The following FRMD4B variants were observed in gnomAD, a reference collection of about 807,000 sequenced individuals.
FRMD4B encodes the protein FERM domain-containing protein 4B.
A neutral mutation model predicts 141.5 loss-of-function variants in FRMD4B; 74 were observed. The ratio of observed to expected loss-of-function variants is 0.52; its 90% CI spans 0.43 to 0.63. The LOEUF (loss-of-function observed/expected upper bound fraction) is 0.63, where lower values mean the gene tolerates loss of function less well. Among genes scored for constraint, FRMD4B ranks in the 30% least tolerant of loss-of-function variants. The probability of loss-of-function intolerance (pLI) is 0.00; values close to 1 mark genes in which losing one functional copy is unlikely to be tolerated. For missense variants in FRMD4B, 1,366 were observed against 1,253.4 expected (o/e 1.09, Z -1.36); for synonymous variants, 506 against 467.9 (o/e 1.08, Z -1.05).
At chr3:69,380,730 C>T (rs767633188) in intron 1 of FRMD4B, among the ~76,000 whole-genome samples, 9 of 152,166 alleles carry the variant, frequency 5.9e-5, no homozygotes, top group African/African-American at 9.7e-5. Context: ...TTATTGGTCA[C>T]TTAAATATCC....
At chr3:69,219,306 G>A (rs1237531603) in intron 9 of FRMD4B, among the ~76,000 whole-genome samples, 1 of 152,084 alleles carries the variant, frequency 6.6e-6, no homozygotes, top group Non-Finnish European at 1.5e-5. Flanking sequence ...TGCCCGCAAG[G>A]AACTGAGGCT....
At chr3:69,455,622 C>T (rs1007551605) in intron 1 of FRMD4B, among the ~76,000 whole-genome samples, 2 of 152,178 alleles carry the variant, frequency 1.3e-5, no homozygotes, top group African/African-American at 4.8e-5. Context: ...AACTGTAATG[C>T]TCACTGCGAG....
At chr3:69,422,381 T>TG (rs1215603747) in intron 2 of FRMD4B, among the ~76,000 whole-genome samples, 1 of 93,810 alleles carries the variant, frequency 1.1e-5, no homozygotes, top group Non-Finnish European at 2.4e-5. Flanking sequence ...AGCGAGACTC[T>TG]GAAAAAAAAA....
chr3:69,456,529 A>AT (rs1559533029), intron 1 of FRMD4B, among the ~76,000 whole-genome samples: 1 of 151,832 alleles, frequency 6.6e-6, no homozygotes, highest in East Asian at 1.9e-4. Context: ...TAGAAAGCTG[A>AT]TTTTTCTCCA....
intron 1 of FRMD4B, among the ~76,000 whole-genome samples, chr3:69,345,642 G>C (rs9837414): frequency 0.022 from 3,373 of 152,236 alleles, 109 homozygotes; most frequent in African/African-American, 0.075. Context: ...CAAAGCCAAA[G>C]AAACGATCAG....
chr3:69,366,127 G>T (rs1277631439), intron 1 of FRMD4B, among the ~76,000 whole-genome samples: 2 of 149,068 alleles, frequency 1.3e-5, no homozygotes, highest in Non-Finnish European at 3.0e-5. Context: ...GGTCATGGTG[G>T]CACAGGCTTG....
intron 6 of FRMD4B, among the ~76,000 whole-genome samples, chr3:69,249,487 G>A (rs79970938): frequency 0.021 from 3,138 of 152,284 alleles, 105 homozygotes; most frequent in African/African-American, 0.072. Flanking sequence ...AAAAAGCACA[G>A]ATAATTATTT....
At chr3:69,412,481 G>A (rs1704775920) in intron 2 of FRMD4B, among the ~76,000 whole-genome samples, 1 of 152,158 alleles carries the variant, frequency 6.6e-6, no homozygotes, top group South Asian at 2.1e-4. Flanking sequence ...GAAGCAGGAG[G>A]AAGAAGAGAT....
chr3:69,196,464 T>C (rs2092905765), intron 13 of FRMD4B, 68 bp from the exon 14 acceptor site: 2 of 1,212,852 alleles, frequency 1.6e-6, no homozygotes, highest in East Asian at 4.8e-5. Flanking sequence ...ACAATTAAGT[T>C]AACATACAAT....
chr3:69,292,626 T>C lies in FRMD4B; in HGVS notation c.417-4790A>G, dbSNP rs73838339. ...CCAGCTTTCTGAATCCACAATTCCA[T>C]CTCTCCCTCAAGGGGGCCATTGTAA... On this transcript the variant is annotated intron_variant, in intron 4 of 22. Transcript: ENST00000398540. Among the ~76,000 whole-genome samples the C allele has an allele frequency of 4.1e-3, 626 of 152,234 alleles. 5 individuals carry two copies. The highest frequency in any genetic ancestry group is 0.014 in the African/African-American group (591 of 41,546).
At chr3:69,283,033 T>C (rs1248123218) in intron 5 of FRMD4B, among the ~76,000 whole-genome samples, 1 of 152,164 alleles carries the variant, frequency 6.6e-6, no homozygotes, top group Non-Finnish European at 1.5e-5. Flanking sequence ...CCTTACAATA[T>C]TATGTTCTGT....
At chr3:69,371,585 T>C (rs1274319250) in intron 1 of FRMD4B, among the ~76,000 whole-genome samples, 1 of 152,136 alleles carries the variant, frequency 6.6e-6, no homozygotes, top group Non-Finnish European at 1.5e-5. Context: ...TAGGAAGCTA[T>C]TGCAACAAAC....
intron 3 of FRMD4B, among the ~76,000 whole-genome samples, chr3:69,304,059 G>C (rs1348523001): frequency 2.6e-5 from 4 of 151,692 alleles, no homozygotes; most frequent in Admixed American, 1.3e-4. Flanking sequence ...TTAGGAGGCT[G>C]AGTTGGGAGG....
chr3:69,204,242 T>C (rs1559714459), intron 11 of FRMD4B, among the ~76,000 whole-genome samples: 1 of 152,126 alleles, frequency 6.6e-6, no homozygotes, highest in Non-Finnish European at 1.5e-5. Context: ...CCCAGGGGCA[T>C]GAAAGACCCA....
chr3:69,540,660 T>TATATACACAC (rs1241897477), intron 1 of FRMD4B, among the ~76,000 whole-genome samples: 30 of 56,858 alleles, frequency 5.3e-4, no homozygotes, highest in African/African-American at 3.0e-3. Context: ...TATATATATA[T>TATATACACAC]ACACACACAC....
intron 1 of FRMD4B, among the ~76,000 whole-genome samples, chr3:69,488,369 T>A (rs946675525): frequency 1.3e-5 from 2 of 152,166 alleles, no homozygotes; most frequent in African/African-American, 2.4e-5. Flanking sequence ...AGGCTTCACA[T>A]CATGTTAGAA....
rs143754288 is a variant in FRMD4B, at chr3:69,403,767, C to G, written c.-1+28867G>C. Among the ~76,000 whole-genome samples the G allele has an allele frequency of 7.2e-5, 11 of 152,244 alleles. No individual in the cohort carries two copies. In the East Asian group the frequency reaches 1.5e-3, roughly 21 times the overall value. Reference sequence around the variant, plus strand: ...CTTATGAAGTATAGTACAGCATTCTCTATCTCTATTCCAAAAGTGTGCATA... The same window carrying G: ...CTTATGAAGTATAGTACAGCATTCTGTATCTCTATTCCAAAAGTGTGCATA... On this transcript the variant is annotated intron_variant, in intron 2 of 5. Transcript: ENST00000459638.
intron 1 of FRMD4B, chr3:69,536,561 G>C (rs535676737): frequency 1.3e-5 from 9 of 711,176 alleles, no homozygotes; most frequent in Non-Finnish European, 2.1e-5. Flanking sequence ...GATGGTGAGA[G>C]GGCAGGAGGC....
chr3:69,314,011 C>T lies in FRMD4B; in HGVS notation c.163-494G>A, dbSNP rs1246447273. On this transcript the variant is annotated intron_variant, in intron 1 of 22. Transcript: ENST00000398540. ...AAAATTAGCCGGGCGTGGTAGCGGG[C>T]GCCTGTAGTCCCAGCTACTCGGGAG... Among the ~76,000 whole-genome samples the T allele has an allele frequency of 4.1e-5, 6 of 146,630 alleles. No homozygotes were observed. The South Asian group carries it at 6.6e-4, about 16-fold the overall frequency.
Sources: gnomAD v4.1 joint callset for allele counts (sites outside exome capture counted in the v4.1 genomes callset) on GRCh38, gnomAD v4.1.1 for gene constraint, MANE v1.5 for transcripts, NCBI Gene and HGNC (gene_info 2026-07-23, HGNC 2026-07-21) for gene names.